The following SLC9A8 variants were observed in gnomAD, a reference collection of about 807,000 sequenced individuals.
The protein encoded by SLC9A8 is solute carrier family 9 member A8.
A neutral mutation model predicts 66.6 loss-of-function variants in SLC9A8; 48 were observed. The observed-to-expected ratio is 0.72, with a 90% CI of 0.57 to 0.92. The LOEUF is 0.92. Among genes scored for constraint, SLC9A8 ranks in the 40% least tolerant of loss-of-function variants. SLC9A8 has a pLI of 0.00. For synonymous variants in SLC9A8, 274 were observed against 282.6 expected, an observed-to-expected ratio of 0.97 and a Z score of 0.31; for missense variants, 599 against 747.3, an observed-to-expected ratio of 0.80 and a Z score of 2.31.
intron 5 of SLC9A8, among the ~76,000 whole-genome samples, chr20:49,848,409 G>C (rs1356510937): frequency 6.6e-6 from 1 of 152,100 alleles, no homozygotes; most frequent in Non-Finnish European, 1.5e-5. Flanking sequence ...GCAGCTTCTA[G>C]GAGGTGGGCT....
intron 14 of SLC9A8, among the ~76,000 whole-genome samples, chr20:49,884,339 CCCCG>C (rs2089812598): frequency 7.9e-6 from 1 of 127,368 alleles, no homozygotes; most frequent in African/African-American, 3.2e-5. Flanking sequence ...CACACACACC[CCCCG>C]GTCATCCCCC....
intron 3 of SLC9A8, among the ~76,000 whole-genome samples, chr20:49,825,061 A>G (rs1284841527): frequency 1.3e-5 from 2 of 152,192 alleles, no homozygotes; most frequent in East Asian, 1.9e-4. Flanking sequence ...CTCAAAGACA[A>G]AAGCCAGAAT....
chr20:49,840,171 C>T (rs1053550701), intron 4 of SLC9A8, among the ~76,000 whole-genome samples: 1 of 152,144 alleles, frequency 6.6e-6, no homozygotes, highest in Non-Finnish European at 1.5e-5. Flanking sequence ...TCCAAACCCT[C>T]TGGCCTGAAT....
At chr20:49,884,296 A>ACACACGCGCG (rs2146777022) in intron 14 of SLC9A8, 2 of 297,856 alleles carry the variant, frequency 6.7e-6, no homozygotes, top group South Asian at 3.3e-5. Context: ...CACGACACAC[A>ACACACGCGCG]CACACACACA....
chr20:49,839,773 A>G (rs1041757458), intron 4 of SLC9A8, among the ~76,000 whole-genome samples, 174 bp downstream of exon 4: 1 of 152,040 alleles, frequency 6.6e-6, no homozygotes, highest in African/African-American at 2.4e-5. Context: ...GTTTTTGCAA[A>G]AGCATAAGTC....
chr20:49,885,291 C>T (rs2089849711), intron 14 of SLC9A8, among the ~76,000 whole-genome samples: 1 of 152,226 alleles, frequency 6.6e-6, no homozygotes, highest in Non-Finnish European at 1.5e-5. Flanking sequence ...ACCAGCATCT[C>T]ATAGGTATGG....
intron 12 of SLC9A8, 24 bp downstream of exon 12, chr20:49,878,087 T>TA: frequency 7.4e-7 from 1 of 1,349,198 alleles, no homozygotes. Context: ...TTTTTTTTTT[T>TA]AAATTTAATT....
intron 5 of SLC9A8, among the ~76,000 whole-genome samples, chr20:49,847,915 T>TTG (rs938739861): frequency 4.7e-5 from 7 of 148,420 alleles, no homozygotes; most frequent in South Asian, 2.2e-4. Context: ...CTGTTTTTTT[T>TTG]TTTTTTTTTT....
At chr20:49,849,073 G>C (rs1332925935) in intron 5 of SLC9A8, among the ~76,000 whole-genome samples, 1 of 152,162 alleles carries the variant, frequency 6.6e-6, no homozygotes, top group African/African-American at 2.4e-5. Flanking sequence ...AATGTCCTGA[G>C]ATCTTGGGAT....
chr20:49,887,112 T>A (rs546560856), intron 15 of SLC9A8, among the ~76,000 whole-genome samples: 2 of 152,322 alleles, frequency 1.3e-5, no homozygotes, highest in South Asian at 4.1e-4. Context: ...GCGAGGTTAA[T>A]AATAGATTTG....
At chr20:49,877,362 G>C (rs1481522521) in intron 11 of SLC9A8, among the ~76,000 whole-genome samples, 2 of 152,200 alleles carry the variant, frequency 1.3e-5, no homozygotes, top group East Asian at 3.9e-4. Flanking sequence ...CACAGTTTAA[G>C]CAGAGAGCCT....
intron 4 of SLC9A8, among the ~76,000 whole-genome samples, chr20:49,842,067 T>A (rs557840486): frequency 1.6e-4 from 24 of 151,086 alleles, no homozygotes; most frequent in Non-Finnish European, 2.2e-4. Flanking sequence ...TTATTTTTTT[T>A]TTTTTGCTGG....
At chr20:49,872,365 CA>C (rs1463220565) in intron 10 of SLC9A8, among the ~76,000 whole-genome samples, 1 of 151,682 alleles carries the variant, frequency 6.6e-6, no homozygotes. Flanking sequence ...TGGGGCAATA[CA>C]AAAAAGTAGG....
intron 5 of SLC9A8, among the ~76,000 whole-genome samples, chr20:49,847,360 G>C (rs1447022214): frequency 1.3e-5 from 2 of 149,842 alleles, no homozygotes; most frequent in Non-Finnish European, 3.0e-5. Flanking sequence ...TTGAATATTA[G>C]AGCATGTAAA....
chr20:49,831,404 T>A (rs58814367), intron 3 of SLC9A8, among the ~76,000 whole-genome samples: 3,046 of 87,358 alleles, frequency 0.035, 27 homozygotes, highest in East Asian at 0.098. Context: ...ACACACACAC[T>A]CTCTCTCTCT....
intron 10 of SLC9A8, 132 bp from the exon 11 acceptor site, chr20:49,874,573 C>T: frequency 1.5e-6 from 1 of 683,100 alleles, no homozygotes; most frequent in Non-Finnish European, 2.6e-6. Context: ...CTCTGGGAGG[C>T]TTCAGGAATT....
At chr20:49,834,420 GTATA>G (rs11086296) in intron 3 of SLC9A8, among the ~76,000 whole-genome samples, 1 of 30,508 alleles carries the variant, frequency 3.3e-5, no homozygotes, top group Admixed American at 2.7e-4. Flanking sequence ...TATATATACT[GTATA>G]TATATACTGT....
At chr20:49,827,961 A>AT (rs573057413) in intron 3 of SLC9A8, among the ~76,000 whole-genome samples, 2 of 151,040 alleles carry the variant, frequency 1.3e-5, no homozygotes, top group African/African-American at 4.9e-5. Context: ...AAAGATTTTA[A>AT]TTTTTTTGTT....
intron 3 of SLC9A8, among the ~76,000 whole-genome samples, chr20:49,838,457 TCCTC>T: frequency 6.6e-6 from 1 of 152,374 alleles, no homozygotes; most frequent in Middle Eastern, 3.4e-3. Flanking sequence ...CTTGGGTCCT[TCCTC>T]TTTTTCAAAA....
Sources: gnomAD v4.1 joint callset for allele counts (sites outside exome capture counted in the v4.1 genomes callset) on GRCh38, gnomAD v4.1.1 for gene constraint, MANE v1.5 for transcripts, NCBI Gene and HGNC (gene_info 2026-07-23, HGNC 2026-07-21) for gene names.